The following SSH2 variants were observed in gnomAD, a reference collection of about 807,000 sequenced individuals.
SSH2 encodes the protein slingshot protein phosphatase 2.
In SSH2, 37 loss-of-function variants were observed where a neutral mutation model predicts 135.2. The observed-to-expected ratio is 0.27, with a 90% confidence interval of 0.21 to 0.36. The LOEUF (loss-of-function observed/expected upper bound fraction) is 0.36. Among genes scored for constraint, SSH2 ranks in the 10% least tolerant of loss-of-function variants. The probability of loss-of-function intolerance (pLI) is 1.00; values close to 1 mark genes in which losing one functional copy is unlikely to be tolerated. For synonymous variants in SSH2, 628 were observed against 646.2 expected (o/e 0.97, Z 0.43); for missense variants, 1,408 against 1,765.3 (o/e 0.80, Z 3.63).
intron 6 of SSH2, among the ~76,000 whole-genome samples, chr17:29,683,436 C>T (rs1161060160): frequency 6.6e-6 from 1 of 152,130 alleles, no homozygotes. Flanking sequence ...AAGGAGCCAT[C>T]CCGTACCACC....
chr17:29,805,311 C>T (rs1407454232), intron 2 of SSH2, among the ~76,000 whole-genome samples: 2 of 151,844 alleles, frequency 1.3e-5, no homozygotes, highest in African/African-American at 4.8e-5. Context: ...GCCACCACCA[C>T]GCCCGGCTAA....
At chr17:29,837,662 A>G (rs908181964) in intron 2 of SSH2, among the ~76,000 whole-genome samples, 1 of 152,192 alleles carries the variant, frequency 6.6e-6, no homozygotes, top group Non-Finnish European at 1.5e-5. Context: ...GCTCCCTGCC[A>G]CATCCCAGGA....
At chr17:29,858,939 A>C (rs1482959613) in intron 1 of SSH2, among the ~76,000 whole-genome samples, 1 of 152,164 alleles carries the variant, frequency 6.6e-6, no homozygotes, top group Non-Finnish European at 1.5e-5. Context: ...CAGAGGAAAG[A>C]CCATGTGAAA....
intron 1 of SSH2, among the ~76,000 whole-genome samples, chr17:29,917,939 G>C (rs989454604): frequency 6.6e-6 from 1 of 152,102 alleles, no homozygotes; most frequent in African/African-American, 2.4e-5. Flanking sequence ...CGGCACTTTG[G>C]GAGGCTGAGG....
At chr17:29,885,540 AGCTTGTAATTTTCAGC>A (rs997361662) in intron 1 of SSH2, among the ~76,000 whole-genome samples, 4 of 152,076 alleles carry the variant, frequency 2.6e-5, no homozygotes, top group Non-Finnish European at 5.9e-5. Context: ...CTTGATTAGA[AGCTTGTAATTTTCAGC>A]TCCATCACAT....
At chr17:29,899,698 T>C (rs2066511169) in intron 1 of SSH2, among the ~76,000 whole-genome samples, 1 of 152,138 alleles carries the variant, frequency 6.6e-6, no homozygotes, top group Non-Finnish European at 1.5e-5. Context: ...AAAATGGCCA[T>C]ACTGCCCAAG....
intron 2 of SSH2, among the ~76,000 whole-genome samples, chr17:29,843,120 G>A (rs1464745910): frequency 6.6e-6 from 1 of 152,218 alleles, no homozygotes; most frequent in Non-Finnish European, 1.5e-5. Context: ...GGACGTGCTT[G>A]CTGTAGGCTT....
intron 1 of SSH2, among the ~76,000 whole-genome samples, chr17:29,855,605 G>T (rs571674489): frequency 1.3e-5 from 2 of 152,076 alleles, no homozygotes; most frequent in Non-Finnish European, 2.9e-5. Flanking sequence ...ATCCTTTAAA[G>T]GCCAAGACAT....
intron 2 of SSH2, among the ~76,000 whole-genome samples, chr17:29,831,647 C>T (rs2042846244): frequency 6.6e-6 from 1 of 150,776 alleles, no homozygotes; most frequent in South Asian, 2.1e-4. Flanking sequence ...TTTCGGCTCA[C>T]TGCAACCTCT....
intron 1 of SSH2, among the ~76,000 whole-genome samples, chr17:29,902,572 G>A (rs2066577042): frequency 6.6e-6 from 1 of 151,376 alleles, no homozygotes; most frequent in South Asian, 2.1e-4. Context: ...TCATTCTGGA[G>A]GTCAGTTTCT....
intron 1 of SSH2, among the ~76,000 whole-genome samples, chr17:29,902,080 T>A (rs942672859): frequency 6.6e-6 from 1 of 152,140 alleles, no homozygotes; most frequent in Non-Finnish European, 1.5e-5. Flanking sequence ...AACCACCCTG[T>A]CTGGCCATGG....
At chr17:29,900,505 G>A (rs2066530590) in intron 1 of SSH2, among the ~76,000 whole-genome samples, 1 of 152,228 alleles carries the variant, frequency 6.6e-6, no homozygotes, top group Non-Finnish European at 1.5e-5. Flanking sequence ...AGACATTTAT[G>A]CAGCCAAAAG....
intron 3 of SSH2, among the ~76,000 whole-genome samples, chr17:29,722,230 C>T (rs1383161865): frequency 8.7e-5 from 13 of 150,034 alleles, no homozygotes; most frequent in Admixed American, 6.0e-4. Flanking sequence ...GCCGAGATCG[C>T]GCCACTGCAC....
At chr17:29,708,981 C>A in intron 3 of SSH2, among the ~76,000 whole-genome samples, 1 of 109,058 alleles carries the variant, frequency 9.2e-6, no homozygotes, top group Non-Finnish European at 1.8e-5. Context: ...GGAAAGTCAT[C>A]CCTAGTTAAG....
intron 3 of SSH2, among the ~76,000 whole-genome samples, chr17:29,741,817 T>C (rs887261970): frequency 6.6e-6 from 1 of 152,008 alleles, no homozygotes; most frequent in Non-Finnish European, 1.5e-5. Flanking sequence ...GGTTTCACCA[T>C]GTTGGCCAGG....
intron 3 of SSH2, among the ~76,000 whole-genome samples, chr17:29,755,924 G>T (rs1039367863): frequency 6.8e-6 from 1 of 146,828 alleles, no homozygotes; most frequent in African/African-American, 2.5e-5. Flanking sequence ...GCCTCCCAAA[G>T]TGCTGGGATT....
intron 3 of SSH2, among the ~76,000 whole-genome samples, chr17:29,751,823 C>T (rs2040955252): frequency 6.6e-6 from 1 of 151,984 alleles, no homozygotes; most frequent in African/African-American, 2.4e-5. Flanking sequence ...AAAACATATA[C>T]TAGATATTAG....
At chr17:29,850,593 T>A (rs2065537247) in intron 1 of SSH2, among the ~76,000 whole-genome samples, 1 of 152,218 alleles carries the variant, frequency 6.6e-6, no homozygotes, top group Non-Finnish European at 1.5e-5. Flanking sequence ...ACTCTGACCC[T>A]TTGTCTACTT....
At chr17:29,729,256 GACATTGAAATGGCAA>G (rs1180864775) in intron 3 of SSH2, among the ~76,000 whole-genome samples, 1 of 152,156 alleles carries the variant, frequency 6.6e-6, no homozygotes, top group East Asian at 1.9e-4. Context: ...CTCAAAAGAT[GACATTGAAATGGCAA>G]ACAGTTACAT....
Sources: allele counts gnomAD v4.1 joint callset (sites outside exome capture counted in the v4.1 genomes callset), GRCh38; gene constraint gnomAD v4.1.1; transcripts MANE v1.5; gene names NCBI Gene and HGNC (gene_info 2026-07-23, HGNC 2026-07-21).